Variants in CDH4 observed in about 807,000 individuals in gnomAD.
CDH4 encodes cadherin-4.
A neutral mutation model predicts 86.0 loss-of-function variants in CDH4; 33 were observed. The observed-to-expected ratio is 0.38, with a 90% CI of 0.29 to 0.51. CDH4 has a LOEUF of 0.51. CDH4 is among the 20% of genes least tolerant of loss of function. The probability of loss-of-function intolerance (pLI) is 0.86; values close to 1 mark genes in which losing one functional copy is unlikely to be tolerated. For missense variants in CDH4, 1,114 were observed against 1,307.4 expected (o/e 0.85, Z 2.28); for synonymous variants, 555 against 549.4 (o/e 1.01, Z -0.14).
At chr20:61,693,048 G>T (rs922800175) in intron 2 of CDH4, among the ~76,000 whole-genome samples, 1 of 152,120 alleles carries the variant, frequency 6.6e-6, no homozygotes, top group East Asian at 1.9e-4. Flanking sequence ...GCTGGGTCTC[G>T]AATGGCTATT....
At chr20:61,924,124 C>T (rs760441613) in intron 10 of CDH4, among the ~76,000 whole-genome samples, 5 of 143,840 alleles carry the variant, frequency 3.5e-5, no homozygotes, top group Admixed American at 6.8e-5. Flanking sequence ...GTAGCCACTG[C>T]GTGGCCTGTC....
chr20:61,458,800 G>T (rs1292768126), intron 2 of CDH4, among the ~76,000 whole-genome samples: 1 of 151,954 alleles, frequency 6.6e-6, no homozygotes. Context: ...AGTAGTGGTG[G>T]TGGCAATGAG....
chr20:61,583,315 G>A (rs1173846019), intron 2 of CDH4, among the ~76,000 whole-genome samples: 1 of 150,138 alleles, frequency 6.7e-6, no homozygotes, highest in Non-Finnish European at 1.5e-5. Context: ...GCTCTGTGGG[G>A]GGACAGAGGG....
chr20:61,744,615 C>T (rs1397802947), intron 3 of CDH4, among the ~76,000 whole-genome samples: 1 of 151,946 alleles, frequency 6.6e-6, no homozygotes, highest in Admixed American at 6.6e-5. Context: ...CAGACAGCTT[C>T]ACACAGACAT....
chr20:61,404,300 G>A (rs1482541571), intron 2 of CDH4, among the ~76,000 whole-genome samples: 1 of 152,082 alleles, frequency 6.6e-6, no homozygotes, highest in Non-Finnish European at 1.5e-5. Context: ...AAACCATGAT[G>A]AGGACAGCTG....
intron 2 of CDH4, among the ~76,000 whole-genome samples, chr20:61,426,871 A>G (rs1220147620): frequency 1.3e-5 from 2 of 152,254 alleles, no homozygotes; most frequent in African/African-American, 4.8e-5. Flanking sequence ...ATGTTCTTCT[A>G]GATAAAAATC....
At chr20:61,348,992 CAG>C (rs1719063633) in intron 2 of CDH4, among the ~76,000 whole-genome samples, 1 of 152,228 alleles carries the variant, frequency 6.6e-6, no homozygotes, top group South Asian at 2.1e-4. Flanking sequence ...CTGGGAATAA[CAG>C]TGGTGGTGGG....
chr20:61,613,422 A>C (rs531697755), intron 2 of CDH4, among the ~76,000 whole-genome samples: 7 of 152,132 alleles, frequency 4.6e-5, no homozygotes, highest in African/African-American at 1.7e-4. Flanking sequence ...CCCAAGTGCC[A>C]GGTAACAATC....
At chr20:61,878,582 G>A (rs374115579) in intron 7 of CDH4, among the ~76,000 whole-genome samples, 3 of 152,160 alleles carry the variant, frequency 2.0e-5, no homozygotes, top group African/African-American at 7.2e-5. Context: ...GTCTTCAGCA[G>A]CCCCTCCCAG....
intron 2 of CDH4, among the ~76,000 whole-genome samples, chr20:61,423,975 G>A (rs1041568844): frequency 3.9e-5 from 6 of 152,240 alleles, no homozygotes; most frequent in Non-Finnish European, 7.4e-5. Context: ...AAATGAACAC[G>A]TGTGCATGGG....
chr20:61,822,608 G>T (rs987507164), intron 4 of CDH4, among the ~76,000 whole-genome samples: 3 of 152,204 alleles, frequency 2.0e-5, no homozygotes, highest in Admixed American at 1.3e-4. Context: ...GGCGTCATCT[G>T]AGGGTGGAGC....
intron 2 of CDH4, among the ~76,000 whole-genome samples, chr20:61,316,977 A>G (rs1359253928): frequency 6.7e-6 from 1 of 150,074 alleles, no homozygotes; most frequent in Non-Finnish European, 1.5e-5. Context: ...CGTGCCTTGC[A>G]GTGGAGTGAT....
At chr20:61,667,960 G>A (rs2087345815) in intron 2 of CDH4, among the ~76,000 whole-genome samples, 1 of 152,244 alleles carries the variant, frequency 6.6e-6, no homozygotes. Flanking sequence ...CCAGGGAGAT[G>A]ATCATTGCAG....
At chr20:61,540,746 G>A (rs1373103189) in intron 2 of CDH4, among the ~76,000 whole-genome samples, 1 of 152,082 alleles carries the variant, frequency 6.6e-6, no homozygotes, top group Admixed American at 6.5e-5. Flanking sequence ...AGTAAGACTG[G>A]ATGCCAGTTT....
At chr20:61,733,802 A>G (rs2088227283) in intron 2 of CDH4, among the ~76,000 whole-genome samples, 1 of 152,230 alleles carries the variant, frequency 6.6e-6, no homozygotes, top group Non-Finnish European at 1.5e-5. Flanking sequence ...TCTCCTCAGC[A>G]CGGTCCCAGC....
chr20:61,593,924 A>G (rs1378543052), intron 2 of CDH4, among the ~76,000 whole-genome samples: 1 of 150,512 alleles, frequency 6.6e-6, no homozygotes, highest in Non-Finnish European at 1.5e-5. Context: ...TGTTTGCTGA[A>G]GTCTCCCCAG....
intron 2 of CDH4, among the ~76,000 whole-genome samples, chr20:61,444,324 C>T (rs1247151800): frequency 0.012 from 13 of 1,062 alleles, no homozygotes; most frequent in African/African-American, 0.039. Context: ...TGTGTATCTG[C>T]ACGTGTGTTT....
chr20:61,526,719 A>G (rs2085913697), intron 2 of CDH4, among the ~76,000 whole-genome samples: 1 of 141,232 alleles, frequency 7.1e-6, no homozygotes, highest in Non-Finnish European at 1.5e-5. Flanking sequence ...TGATTGTTGG[A>G]TATGAGTGAT....
rs759886309 is a variant in CDH4, at chr20:61,516,663, G to A, written c.170-226900G>A. Among the ~76,000 whole-genome samples the A allele has an allele frequency of 8.5e-5, 13 of 152,306 alleles. No homozygotes were observed. Among genetic ancestry groups the A allele is most frequent in the East Asian group, 3.9e-4 (2 of 5,166 alleles). Reference sequence around the variant, plus strand: ...AAAGTATCAGACCCTCAGAGAGGCCGGATTGATTGTAATAGCACAGGGCTG... The same window carrying A: ...AAAGTATCAGACCCTCAGAGAGGCCAGATTGATTGTAATAGCACAGGGCTG... On this transcript the variant is annotated intron_variant, in intron 2 of 15. Coordinates refer to ENST00000614565, the MANE Select transcript of CDH4 (RefSeq NM_001794.5). The surrounding 1 kb of genome is among the most constrained non-coding windows in gnomAD (Gnocchi z 4.0).
Sources: allele counts gnomAD v4.1 joint callset (sites outside exome capture counted in the v4.1 genomes callset), GRCh38; gene constraint gnomAD v4.1.1; non-coding constraint Gnocchi (gnomAD v3.1); transcripts MANE v1.5; gene names NCBI Gene and HGNC (gene_info 2026-07-23, HGNC 2026-07-21).